CHP1: variants seen among roughly 807,000 people sequenced by gnomAD.
The protein encoded by CHP1 is calcineurin B homologous protein 1.
Under a neutral mutation model 27.4 loss-of-function variants are expected in CHP1, and 11 were observed. The observed-to-expected ratio is 0.40, with a 90% confidence interval of 0.25 to 0.67. The LOEUF is 0.67. Among genes scored for constraint, CHP1 ranks in the 30% least tolerant of loss-of-function variants. CHP1 has a pLI of 0.38. For synonymous variants in CHP1, 89 were observed against 87.4 expected, an observed-to-expected ratio of 1.02 and a Z score of -0.10; for missense variants, 169 against 251.3, an observed-to-expected ratio of 0.67 and a Z score of 2.22.
chr15:41,248,927 T>C (rs2047349714), intron 2 of CHP1, among the ~76,000 whole-genome samples: 1 of 152,168 alleles, frequency 6.6e-6, no homozygotes, highest in African/African-American at 2.4e-5. Context: ...GACAATTATC[T>C]TCTTAGCCTG....
chr15:41,272,990 G>T (rs1400537260), intron 5 of CHP1, among the ~76,000 whole-genome samples: 1 of 151,908 alleles, frequency 6.6e-6, no homozygotes, highest in Non-Finnish European at 1.5e-5. Context: ...CTAGGAGGCG[G>T]AGCTTGCAGT....
At chr15:41,243,619 G>A in intron 1 of CHP1, 48 bp from the exon 2 acceptor site, 2 of 1,537,902 alleles carry the variant, frequency 1.3e-6, no homozygotes, top group Non-Finnish European at 1.8e-6. Flanking sequence ...GGTTCAGTGT[G>A]AATGAGGGCT....
intron 1 of CHP1, among the ~76,000 whole-genome samples, 192 bp downstream of exon 1, chr15:41,231,641 T>C (rs955803282): frequency 6.6e-6 from 1 of 152,084 alleles, no homozygotes; most frequent in Non-Finnish European, 1.5e-5. Context: ...CTCTAGCTAC[T>C]GTGGGGCTGT....
chr15:41,260,295 T>G (rs959011037), intron 3 of CHP1, among the ~76,000 whole-genome samples: 1 of 152,086 alleles, frequency 6.6e-6, no homozygotes. Context: ...TTTTGAGAAT[T>G]ATTTCTTACA....
intron 3 of CHP1, among the ~76,000 whole-genome samples, chr15:41,257,707 A>G (rs1350959917): frequency 1.3e-5 from 2 of 151,562 alleles, no homozygotes; most frequent in Admixed American, 1.3e-4. Context: ...TTACAGCCAC[A>G]TGCCACCATA....
At chr15:41,272,054 A>T (rs1338078511) in intron 5 of CHP1, 2 of 151,818 alleles carry the variant, frequency 1.3e-5, no homozygotes, top group African/African-American at 4.8e-5. Context: ...ATTCTTGTGA[A>T]AGTCCTGGTT....
At chr15:41,278,715 G>C in intron 5 of CHP1, 52 bp from the exon 6 acceptor site, 1 of 1,610,524 alleles carries the variant, frequency 6.2e-7, no homozygotes, top group East Asian at 2.2e-5. Context: ...TCTTAGTAAA[G>C]AGTCCCTCTG....
chr15:41,279,036 C>A (rs2047533292), intron 6 of CHP1, 147 bp downstream of exon 6: 3 of 1,029,630 alleles, frequency 2.9e-6, no homozygotes, highest in South Asian at 3.2e-5. Context: ...CATGGTGAAA[C>A]CTCATCTGTA....
intron 4 of CHP1, among the ~76,000 whole-genome samples, chr15:41,265,104 G>A (rs1193153280): frequency 1.3e-5 from 2 of 152,108 alleles, no homozygotes; most frequent in Non-Finnish European, 1.5e-5. Flanking sequence ...GCTCACGCCT[G>A]TAATCCCAGC....
chr15:41,231,708 T>C (rs886392000), intron 1 of CHP1, among the ~76,000 whole-genome samples: 1 of 151,996 alleles, frequency 6.6e-6, no homozygotes, highest in African/African-American at 2.4e-5. Context: ...GCCCCCCTTT[T>C]CTGCACCCTG....
At position 41,249,504 on chromosome 15, in the gene CHP1, G is replaced by A. The variant is rs1277188317; in HGVS notation, c.140+5765G>A. The stretch of plus-strand genomic sequence containing the variant: ...TTTTTTTTTTTTGAGATGGAGTCTC[G>A]CTCTGTCGTCCAGGCTGGAGTGCAG... On this transcript the variant is annotated intron_variant, in intron 2 of 6. Transcript: ENST00000334660. 1.6e-3 allele frequency among the ~76,000 whole-genome samples: 187 copies of A among 115,092 alleles called. 1 individual carries two copies. The highest frequency in any genetic ancestry group is 6.2e-3 in the African/African-American group (177 of 28,618). The allele number at this position is 115,092 out of a possible 152,430, so 75.5% of individuals were successfully genotyped here.
At chr15:41,243,646 G>A (rs1347778533) in intron 1 of CHP1, 21 bp from the exon 2 acceptor site, 1 of 1,612,238 alleles carries the variant, frequency 6.2e-7, no homozygotes, top group African/African-American at 1.3e-5. Context: ...CCCGAGCTGG[G>A]ACTAATTTTG....
At position 41,262,894 on chromosome 15, in the gene CHP1, A is replaced by G. The variant is rs907909799; in HGVS notation, c.349+11A>G. The G allele has an allele frequency of 5.0e-6, 8 of 1,612,224 alleles. No homozygotes were observed. In the African/African-American group the frequency reaches 1.1e-4, roughly 22 times the overall value. On this transcript the variant is annotated intron_variant, in intron 4 of 6. Coordinates refer to ENST00000334660, the MANE Select transcript of CHP1 (RefSeq NM_007236.5). Reference sequence around the variant, plus strand: ...GCAACAAACTGCACTGTAAGGAGCTAAAGTCTTCTGGCTTAAAATACTTGC... The same window carrying G: ...GCAACAAACTGCACTGTAAGGAGCTGAAGTCTTCTGGCTTAAAATACTTGC...
intron 4 of CHP1, among the ~76,000 whole-genome samples, chr15:41,266,956 C>T (rs547618438): frequency 7.9e-5 from 12 of 151,810 alleles, no homozygotes; most frequent in South Asian, 4.2e-4. Flanking sequence ...GCTGAGATTG[C>T]GCCACTGCAC....
chr15:41,271,099 C>G (rs2047486848), intron 5 of CHP1, among the ~76,000 whole-genome samples: 1 of 151,774 alleles, frequency 6.6e-6, no homozygotes, highest in Non-Finnish European at 1.5e-5. Flanking sequence ...ACTAAAAATA[C>G]AAAAAATTAG....
intron 5 of CHP1, among the ~76,000 whole-genome samples, chr15:41,275,908 T>A (rs1016327184): frequency 6.6e-6 from 1 of 151,836 alleles, no homozygotes; most frequent in Non-Finnish European, 1.5e-5. Flanking sequence ...AGAGATGGGG[T>A]TTCTCCACCA....
At chr15:41,270,722 A>G (rs775041593) in intron 5 of CHP1, 104 bp downstream of exon 5, 17 of 880,232 alleles carry the variant, frequency 1.9e-5, no homozygotes, top group African/African-American at 3.3e-5. Context: ...AATACCTGCT[A>G]TGTGCAGAGT....
At chr15:41,249,183 T>C (rs1291206123) in intron 2 of CHP1, among the ~76,000 whole-genome samples, 2 of 152,150 alleles carry the variant, frequency 1.3e-5, no homozygotes, top group Non-Finnish European at 2.9e-5. Flanking sequence ...CCTTCTTTTT[T>C]TGGTTTTTGT....
At chr15:41,253,411 A>T (rs2047380665) in intron 2 of CHP1, among the ~76,000 whole-genome samples, 1 of 149,936 alleles carries the variant, frequency 6.7e-6, no homozygotes, top group Non-Finnish European at 1.5e-5. Flanking sequence ...TATTTATTTA[A>T]CAGTTGACAA....
Sources: gnomAD v4.1 joint callset for allele counts (sites outside exome capture counted in the v4.1 genomes callset) on GRCh38, gnomAD v4.1.1 for gene constraint, MANE v1.5 for transcripts, NCBI Gene and HGNC (gene_info 2026-07-23, HGNC 2026-07-21) for gene names.